The following ALDH3B2 variants were observed in gnomAD, a reference collection of about 807,000 sequenced individuals.
ALDH3B2 encodes aldehyde dehydrogenase family 3 member B2.
ALDH3B2 carries 45 observed loss-of-function variants against 36.7 expected under a neutral mutation model. The ratio of observed to expected loss-of-function variants is 1.23; its 90% confidence interval spans 0.97 to 1.57. ALDH3B2 has a LOEUF of 1.57. Among genes scored for constraint, ALDH3B2 ranks in the 40% most tolerant of loss-of-function variants. The pLI, the probability that ALDH3B2 is intolerant of heterozygous loss-of-function variation, is 0.00. For missense variants in ALDH3B2, 464 were observed against 513.3 expected (o/e 0.90, Z 0.93); for synonymous variants, 217 against 226.5 (o/e 0.96, Z 0.38).
rs7947754 is a variant in ALDH3B2, at chr11:67,674,435, A to C, written c.-245+258T>G. On this transcript the variant is annotated intron_variant, in intron 1 of 6. Transcript: ENST00000525827. ...CCCCTCACCCCTGTGGCCCCACATA[A>C]CCCAGCGTGGGCTCTGCCCCTGGGT... 144,973 of 153,434 alleles carry C rather than the reference A, an allele frequency of 0.94. 69,042 individuals carry two copies. Among genetic ancestry groups the C allele is most frequent in the Middle Eastern group, 1 (310 of 310 alleles). The allele number at this position is 153,434 out of a possible 1,614,324, so 9.5% of individuals were successfully genotyped here. A position where few individuals can be genotyped will look rare whatever the true frequency, so the allele number is the denominator to read the frequency against.
upstream of ALDH3B2, among the ~76,000 whole-genome samples, chr11:67,676,354 G>A (rs1001248079): frequency 3.3e-5 from 5 of 152,106 alleles, no homozygotes; most frequent in Admixed American, 6.5e-5. Flanking sequence ...GCTCTTGAAT[G>A]AGCATTGGGT....
intron 7 of ALDH3B2, 145 bp from the exon 8 acceptor site, chr11:67,664,707 G>A (rs1411481238): frequency 2.4e-6 from 3 of 1,264,752 alleles, no homozygotes; most frequent in Non-Finnish European, 2.1e-6. Context: ...GCTTTGGAGT[G>A]TTTAGGGAAG....
upstream of ALDH3B2, among the ~76,000 whole-genome samples, chr11:67,678,056 A>G (rs1179157034): frequency 1.3e-5 from 2 of 152,194 alleles, no homozygotes; most frequent in African/African-American, 4.8e-5. Context: ...GCAATCTACA[A>G]ATTCAACACA....
At chr11:67,667,959 C>G (rs1223583140) in intron 1 of ALDH3B2, 1 of 153,228 alleles carries the variant, frequency 6.5e-6, no homozygotes, top group African/African-American at 2.4e-5. Context: ...CTGCTGCCCA[C>G]CATCCCAGCT....
upstream of ALDH3B2, chr11:67,674,679 A>T (rs1270233166): frequency 6.6e-6 from 1 of 152,278 alleles, no homozygotes. Flanking sequence ...GCACCTCCCA[A>T]TTCCCATGCC....
chr11:67,663,064 C>T, exon 10 of ALDH3B2: 1 of 991,332 alleles, frequency 1.0e-6, no homozygotes, highest in Non-Finnish European at 1.5e-6. Flanking sequence ...GCTTTGCAGC[C>T]CTGGCAGGCA....
chr11:67,664,991 G>C (rs1230764374), intron 7 of ALDH3B2, among the ~76,000 whole-genome samples: 6 of 152,150 alleles, frequency 3.9e-5, no homozygotes, highest in African/African-American at 1.2e-4. Flanking sequence ...CAGAGGTTAC[G>C]GCCTTTCAGG....
chr11:67,679,458 G>A (rs141421880), upstream of ALDH3B2, among the ~76,000 whole-genome samples: 225 of 151,098 alleles, frequency 1.5e-3, 4 homozygotes, highest in East Asian at 0.041. Context: ...GTGAAAGAGC[G>A]AGACTCCATC....
rs943939606 is a variant in ALDH3B2, at chr11:67,668,549, T to C, written c.-244-914A>G. Among the ~76,000 whole-genome samples the C allele has an allele frequency of 3.3e-5, 5 of 152,188 alleles. No individual in the cohort carries two copies. The South Asian group carries it at 8.3e-4, about 25-fold the overall frequency. On this transcript the variant is annotated intron_variant, in intron 1 of 9. Transcript: ENST00000349015. ...GTCTTTGTGTATCCGTGTGTCTGTG[T>C]GTGTCTTTGTGTATCCGTGTGTCTG...
rs1565249069 is a variant in ALDH3B2 at position 67,670,034 on chromosome 11, GTGTGTGTATGGGTGTCTC to G, written c.-244-2417_-244-2400del. ...TGTGTCTGTGTGTGTATGGGTGTCT[GTGTGTGTATGGGTGTCTC>G]TATGTGTATGGGTGTGTGTGTCCAC... is the stretch of plus-strand genomic sequence containing the variant. On this transcript the variant is annotated intron_variant, in intron 1 of 9. Coordinates refer to ENST00000349015, the Ensembl canonical transcript of ALDH3B2. Among the ~76,000 whole-genome samples the G allele has an allele frequency of 9.8e-3, 204 of 20,808 alleles. 4 individuals are homozygous for G. The highest frequency in any genetic ancestry group is 0.062 in the Middle Eastern group (1 of 16). 13.7% of individuals were successfully genotyped at this position (20,808 alleles called of 152,430 possible).
chr11:67,679,430 C>T (rs1318754634), upstream of ALDH3B2, among the ~76,000 whole-genome samples: 1 of 150,342 alleles, frequency 6.7e-6, no homozygotes, highest in Non-Finnish European at 1.5e-5. Context: ...GAGATCTCAC[C>T]GTAGCACTCC....
At chr11:67,665,350 C>G in exon 7 of ALDH3B2, 2 of 1,613,038 alleles carry the variant, frequency 1.2e-6, no homozygotes, top group Non-Finnish European at 1.7e-6. Flanking sequence ...CAGCAATGCC[C>G]GCAGCCGCTG....
chr11:67,675,748 C>G (rs1856255244), upstream of ALDH3B2, among the ~76,000 whole-genome samples: 1 of 152,250 alleles, frequency 6.6e-6, no homozygotes, highest in South Asian at 2.1e-4. Flanking sequence ...TAAGGCCCAT[C>G]TAAGAGCAGC....
intron 9 of ALDH3B2, 107 bp from the exon 10 acceptor site, chr11:67,663,506 A>G: frequency 1.4e-6 from 2 of 1,434,854 alleles, no homozygotes; most frequent in Non-Finnish European, 1.9e-6. Flanking sequence ...GCTCAGAGAG[A>G]GCCAGGCCAC....
intron 1 of ALDH3B2, among the ~76,000 whole-genome samples, chr11:67,672,150 T>G (rs946343298): frequency 4.1e-4 from 5 of 12,272 alleles, no homozygotes; most frequent in Admixed American, 2.5e-3. Context: ...ATATATGTAT[T>G]TTTTTTTTTT....
At chr11:67,664,637 C>T in intron 7 of ALDH3B2, 75 bp from the exon 8 acceptor site, 2 of 1,568,686 alleles carry the variant, frequency 1.3e-6, no homozygotes, top group Non-Finnish European at 1.7e-6. Context: ...GAGGTGGGGA[C>T]AGGGGCATGG....
intron 1 of ALDH3B2, among the ~76,000 whole-genome samples, chr11:67,668,258 G>A (rs1437391100): frequency 6.7e-6 from 1 of 150,096 alleles, no homozygotes; most frequent in Non-Finnish European, 1.5e-5. Context: ...AGAAGCAGAG[G>A]AGAGAGCTCC....
At chr11:67,679,787 T>A (rs1338784960) in intron 1 of ALDH3B2, among the ~76,000 whole-genome samples, 1 of 151,992 alleles carries the variant, frequency 6.6e-6, no homozygotes, top group Non-Finnish European at 1.5e-5. Flanking sequence ...ATATGACCAA[T>A]CAAATCTTGC....
intron 1 of ALDH3B2, among the ~76,000 whole-genome samples, chr11:67,680,882 C>A (rs1856356469): frequency 6.6e-6 from 1 of 152,158 alleles, no homozygotes; most frequent in Admixed American, 6.6e-5. Context: ...TATACAAGCA[C>A]CCTCCCTCTG....
Sources: gnomAD v4.1 joint callset for allele counts (sites outside exome capture counted in the v4.1 genomes callset) on GRCh38, gnomAD v4.1.1 for gene constraint, MANE v1.5 for transcripts, NCBI Gene and HGNC (gene_info 2026-07-23, HGNC 2026-07-21) for gene names.